Variants in MYL3 observed in about 807,000 individuals in gnomAD.
MYL3 encodes CMLC1.
Under a neutral mutation model 21.3 loss-of-function variants are expected in MYL3, and 11 were observed. That is an observed-to-expected ratio of 0.52 (90% confidence interval 0.32 to 0.85). The LOEUF is 0.85. Ranked by LOEUF, MYL3 falls within the 40% of genes least tolerant of loss-of-function variation. The pLI, the probability that MYL3 is intolerant of heterozygous loss-of-function variation, is 0.03. For synonymous variants in MYL3, 88 were observed against 91.6 expected, an observed-to-expected ratio of 0.96 and a Z score of 0.22; for missense variants, 206 against 253.3, an observed-to-expected ratio of 0.81 and a Z score of 1.27.
intron 1 of MYL3, among the ~76,000 whole-genome samples, chr3:46,880,663 G>A (rs944963170): frequency 1.3e-5 from 2 of 152,192 alleles, no homozygotes; most frequent in Admixed American, 1.3e-4. Flanking sequence ...GGAAGCGGAG[G>A]TTGCAGTGAG....
Position 46,859,688 on chromosome 3 carries a change from G to A in MYL3, c.308-40C>T. 6.2e-7 allele frequency: 1 copy of A among 1,611,946 alleles called. No individual in the cohort carries two copies. Among genetic ancestry groups the A allele is most frequent in the Non-Finnish European group, 8.5e-7 (1 of 1,178,202 alleles). ...TCCCAGGTTCCAGGGTCTAAGGCTG[G>A]GGTGGGCACACCCCTCCCCCATGCC... On this transcript the variant is annotated intron_variant, in intron 3 of 6. Coordinates refer to ENST00000292327, the MANE Select transcript of MYL3 (RefSeq NM_000258.3). The surrounding 1 kb of genome is among the most constrained non-coding windows in gnomAD (Gnocchi z 4.1).
chr3:46,875,773 C>T (rs2030173131), intron 1 of MYL3, among the ~76,000 whole-genome samples: 1 of 152,252 alleles, frequency 6.6e-6, no homozygotes, highest in African/African-American at 2.4e-5. Flanking sequence ...CTGGGGGCGG[C>T]ATCCAGCCTT....
intron 5 of MYL3, 28 bp downstream of exon 5, chr3:46,858,356 A>G: frequency 6.2e-7 from 1 of 1,614,122 alleles, no homozygotes; most frequent in Non-Finnish European, 8.5e-7. Flanking sequence ...CTCCCCTCCC[A>G]GAAGACCCCT....
In MYL3 at chr3:46,861,795, G is replaced by A. The variant is rs191861538; in HGVS notation, c.130-808C>T. On this transcript the variant is annotated intron_variant, in intron 1 of 6. Transcript: ENST00000292327. This position sits in a 1 kb window ranked among gnomAD's most constrained non-coding sequence, Gnocchi z 4.2. ...CTGCAGTCACTCGCCCCAAGGTCAA[G>A]GTCACACAAGGGAAAGGAGGTTGGG... Among the ~76,000 whole-genome samples, 1 of 152,276 alleles carries A rather than the reference G, an allele frequency of 6.6e-6. No homozygotes were observed. The highest frequency in any genetic ancestry group is 1.5e-5 in the Non-Finnish European group (1 of 68,008).
Position 46,879,738 on chromosome 3 carries a change from C to A in MYL3, c.-218+2336G>T, listed in dbSNP as rs1261769850. ...CTCCAGCCTGGGTGACACAGCAAGA[C>A]CCTGTCTGGGGAAAAAAAAAATGCT... is the stretch of plus-strand genomic sequence containing the variant. On this transcript the variant is annotated intron_variant, in intron 1 of 3. Coordinates refer to the MYL3 transcript ENST00000431168. This position sits in a 1 kb window ranked among gnomAD's most constrained non-coding sequence, Gnocchi z 4.7. Among the ~76,000 whole-genome samples the A allele has an allele frequency of 6.7e-6, 1 of 149,820 alleles. No homozygotes were observed.
intron 1 of MYL3, among the ~76,000 whole-genome samples, chr3:46,881,888 C>T (rs561272770): frequency 6.6e-6 from 1 of 152,062 alleles, no homozygotes; most frequent in East Asian, 2.0e-4. Flanking sequence ...GGGATTCGCC[C>T]ATGATGAAAG....
chr3:46,870,477 TG>T (rs1702098636), intron 1 of MYL3, among the ~76,000 whole-genome samples: 1 of 146,874 alleles, frequency 6.8e-6, no homozygotes, highest in Non-Finnish European at 1.5e-5. Context: ...CTAGCCATGG[TG>T]GCCCCCTACA....
upstream of MYL3, among the ~76,000 whole-genome samples, chr3:46,865,712 AGGCTCAT>A (rs1348359700): frequency 6.6e-6 from 1 of 152,190 alleles, no homozygotes; most frequent in Non-Finnish European, 1.5e-5. The surrounding 1 kb of genome is among the most constrained non-coding windows in gnomAD (Gnocchi z 4.3). Context: ...TGGGATGGGC[AGGCTCAT>A]GCAGCCAGCC....
In MYL3 at chr3:46,860,702, C is replaced by G; in HGVS notation, c.281G>C (p.Arg94Pro). 13 of 1,614,092 alleles carry G rather than the reference C, an allele frequency of 8.1e-6. No individual in the cohort carries two copies. The highest frequency in any genetic ancestry group is 1.1e-5 in the Non-Finnish European group (13 of 1,180,024). Reference sequence around the variant, plus strand: ...TTCCTGTCTTGGCTTCCCCAGGACACGGAGCACTTCTGCCTGTGTGGGGTT... The same window carrying G: ...TTCCTGTCTTGGCTTCCCCAGGACAGGGAGCACTTCTGCCTGTGTGGGGTT... ...GQNPTQAEVLRVLGKPRQEEL... is the reference protein window; with the variant it reads ...GQNPTQAEVLPVLGKPRQEEL... Residue 94 changes from arginine (R) to proline (P), a missense_variant, in exon 3 of 7, where the codon CGT becomes CCT. Coordinates refer to ENST00000292327, the MANE Select transcript of MYL3 (RefSeq NM_000258.3). This position sits in a 1 kb window ranked among gnomAD's most constrained non-coding sequence, Gnocchi z 4.6.
At chr3:46,865,350 CAGTGGAGACG>C (rs1702038145), upstream of MYL3, among the ~76,000 whole-genome samples, 1 of 152,008 alleles carries the variant, frequency 6.6e-6, no homozygotes, top group South Asian at 2.1e-4. This position sits in a 1 kb window ranked among gnomAD's most constrained non-coding sequence, Gnocchi z 4.3. Context: ...GGGGGATGGT[CAGTGGAGACG>C]AGCCAGAAAT....
upstream of MYL3, chr3:46,863,511 A>C: frequency 9.6e-7 from 1 of 1,041,940 alleles, no homozygotes; most frequent in South Asian, 1.5e-5. Flanking sequence ...CCACCCCTGC[A>C]GTGCACAATA....
At chr3:46,863,742 G>A (rs369032133), upstream of MYL3, among the ~76,000 whole-genome samples, 1 of 152,128 alleles carries the variant, frequency 6.6e-6, no homozygotes, top group South Asian at 2.1e-4. Flanking sequence ...TACCCACACA[G>A]GGCCCTGCTG....
intron 1 of MYL3, 136 bp downstream of exon 1, chr3:46,863,126 G>T: frequency 7.5e-7 from 1 of 1,337,130 alleles, no homozygotes; most frequent in Admixed American, 1.7e-5. Flanking sequence ...GTCAGGGCTT[G>T]TCTGACCTCT....
intron 1 of MYL3, among the ~76,000 whole-genome samples, chr3:46,869,084 G>C (rs1243929531): frequency 1.2e-4 from 19 of 152,178 alleles, no homozygotes; most frequent in Admixed American, 1.2e-3. Context: ...CCCCAGCTCT[G>C]CCTGCTGGTC....
At chr3:46,881,596 G>A (rs1170363298) in intron 1 of MYL3, among the ~76,000 whole-genome samples, 1 of 152,204 alleles carries the variant, frequency 6.6e-6, no homozygotes, top group Non-Finnish European at 1.5e-5. Context: ...CGGACCCGAA[G>A]AGACGCTGGG....
chr3:46,858,529 G>T, intron 4 of MYL3, 68 bp from the exon 5 acceptor site: 2 of 1,483,346 alleles, frequency 1.3e-6, no homozygotes, highest in East Asian at 2.3e-5. Flanking sequence ...GGCACCCACT[G>T]AATCCCTCTA....
chr3:46,875,495 G>A (rs1434769193), intron 1 of MYL3, among the ~76,000 whole-genome samples: 2 of 152,250 alleles, frequency 1.3e-5, no homozygotes, highest in Non-Finnish European at 2.9e-5. Context: ...TGCAATTTGA[G>A]GACATGCCCT....
At chr3:46,858,184 G>A (rs1257561650) in intron 6 of MYL3, 47 bp downstream of exon 6, 5 of 1,596,088 alleles carry the variant, frequency 3.1e-6, no homozygotes, top group Non-Finnish European at 3.4e-6. Context: ...AGCTGGTGGA[G>A]TGTGGGCAGG....
At chr3:46,880,798 A>T (rs2030509394) in intron 1 of MYL3, among the ~76,000 whole-genome samples, 1 of 152,186 alleles carries the variant, frequency 6.6e-6, no homozygotes, top group African/African-American at 2.4e-5. Flanking sequence ...TGGGGAATGC[A>T]CCTGGGAGTG....
Sources: allele counts gnomAD v4.1 joint callset (sites outside exome capture counted in the v4.1 genomes callset), GRCh38; gene constraint gnomAD v4.1.1; non-coding constraint Gnocchi (gnomAD v3.1); transcripts MANE v1.5; gene names NCBI Gene and HGNC (gene_info 2026-07-23, HGNC 2026-07-21).